IST1: variants seen among roughly 807,000 people sequenced by gnomAD.
IST1 encodes IST1 factor associated with ESCRT-III, also known as IST1 homolog.
A neutral mutation model predicts 37.0 loss-of-function variants in IST1; 23 were observed. The ratio of observed to expected loss-of-function variants is 0.62; its 90% CI spans 0.45 to 0.88. IST1 has a LOEUF of 0.88. Among genes scored for constraint, IST1 ranks in the 40% least tolerant of loss-of-function variants. IST1 has a pLI of 0.00. For missense variants in IST1, 488 were observed against 445.4 expected, an observed-to-expected ratio of 1.10 and a Z score of -0.86; for synonymous variants, 180 against 161.7, an observed-to-expected ratio of 1.11 and a Z score of -0.86.
Position 71,929,782 on chromosome 16 carries a change from G to C in IST1, c.*1969G>C. 1 of 1,173,942 alleles carries C rather than the reference G, an allele frequency of 8.5e-7. No individual in the cohort carries two copies. Among genetic ancestry groups the C allele is most frequent in the East Asian group, 2.6e-5 (1 of 38,882 alleles). 72.7% of individuals were successfully genotyped at this position (1,173,942 alleles called of 1,614,324 possible). On this transcript the variant is annotated 3_prime_UTR_variant, in exon 10 of 10. Transcript: ENST00000378799. Reference sequence around the variant, plus strand: ...TTTTTAAAAAATTAGTAAATGTAAAGATACTATTTCTTTAATAATTTGCAG... The same window carrying C: ...TTTTTAAAAAATTAGTAAATGTAAACATACTATTTCTTTAATAATTTGCAG...
intron 3 of IST1, 40 bp from the exon 4 acceptor site, chr16:71,917,007 T>C (rs2142570530): frequency 7.4e-7 from 1 of 1,348,848 alleles, no homozygotes; most frequent in South Asian, 1.2e-5. Context: ...TTTGTTGGTT[T>C]GTTTTAAAGA....
intron 1 of IST1, among the ~76,000 whole-genome samples, chr16:71,896,832 C>T (rs528966044): frequency 6.6e-6 from 1 of 152,092 alleles, no homozygotes; most frequent in East Asian, 1.9e-4. Context: ...ATAAAAACAG[C>T]CAGGCGTGGA....
At position 71,923,651 on chromosome 16, in the gene IST1, G is replaced by A. The variant is rs2037664756; in HGVS notation, c.852+271G>A. On this transcript the variant is annotated intron_variant, in intron 8 of 9. Transcript: ENST00000378799. The stretch of plus-strand genomic sequence containing the variant: ...CTTAGAAAGTTGTAGTGCTCTATGA[G>A]GGCACTTAGCCAGTTGTTTTGACCG... The A allele has an allele frequency of 1.9e-5, 6 of 323,068 alleles. No homozygotes were observed. The South Asian group carries it at 2.2e-4, about 12-fold the overall frequency. 20.0% of individuals were successfully genotyped at this position (323,068 alleles called of 1,614,324 possible).
At chr16:71,907,098 G>C (rs2037240376) in intron 1 of IST1, among the ~76,000 whole-genome samples, 1 of 151,604 alleles carries the variant, frequency 6.6e-6, no homozygotes, top group African/African-American at 2.4e-5. Flanking sequence ...TTTGTATTTT[G>C]TCTGATTCAA....
chr16:71,909,995 C>G (rs1167396256), intron 1 of IST1, among the ~76,000 whole-genome samples: 1 of 152,106 alleles, frequency 6.6e-6, no homozygotes, highest in Non-Finnish European at 1.5e-5. Context: ...ATTTCAGTCA[C>G]TACTGATAAA....
Position 71,921,543 on chromosome 16 carries a change from A to G in IST1, c.552+90A>G, listed in dbSNP as rs1206845005. On this transcript the variant is annotated intron_variant, in intron 6 of 9. Coordinates refer to ENST00000378799, the MANE Select transcript of IST1 (RefSeq NM_001270975.2). ...AAAAACATTCTTTGCACTAACTTAA[A>G]TTTGTGTGAGTTTAAGCCTTTGTCC... 3.9e-6 allele frequency: 3 copies of G among 760,030 alleles called. No individual in the cohort carries two copies. In the African/African-American group the frequency reaches 5.2e-5, roughly 13 times the overall value. 47.1% of individuals were successfully genotyped at this position (760,030 alleles called of 1,614,324 possible). A position where few individuals can be genotyped will look rare whatever the true frequency, so the allele number is the denominator to read the frequency against.
intron 1 of IST1, among the ~76,000 whole-genome samples, chr16:71,915,207 A>AT (rs2037441738): frequency 1.3e-5 from 2 of 151,932 alleles, no homozygotes; most frequent in South Asian, 2.1e-4. Flanking sequence ...CCCTGTTGAG[A>AT]TTTTTTTGGG....
chr16:71,906,394 A>G (rs1489341194), intron 1 of IST1, among the ~76,000 whole-genome samples: 1 of 150,500 alleles, frequency 6.6e-6, no homozygotes, highest in Admixed American at 6.6e-5. Flanking sequence ...TGCAGCCTCT[A>G]CCTACTGTGT....
intron 6 of IST1, 156 bp downstream of exon 6, chr16:71,921,609 A>G (rs2037586762): frequency 1.7e-6 from 1 of 581,228 alleles, no homozygotes; most frequent in Admixed American, 2.9e-5. Context: ...TGCATATCTC[A>G]CAGGGTACTT....
intron 6 of IST1, 47 bp downstream of exon 6, chr16:71,921,500 C>A (rs1365617751): frequency 9.2e-7 from 1 of 1,090,990 alleles, no homozygotes; most frequent in South Asian, 1.3e-5. Context: ...GTAGGTATGA[C>A]CTTCTTTGGA....
Position 71,922,690 on chromosome 16 carries a change from T to C in IST1, c.759+10T>C, listed in dbSNP as rs374360697. 2.2e-5 allele frequency: 31 copies of C among 1,436,028 alleles called. No homozygotes were observed. The highest frequency in any genetic ancestry group is 1.4e-4 in the Admixed American group (7 of 51,028). 89.0% of individuals were successfully genotyped at this position (1,436,028 alleles called of 1,614,324 possible). A position where few individuals can be genotyped will look rare whatever the true frequency, so the allele number is the denominator to read the frequency against. ...ACTGCCAAAGGGACCAGTAAGTATA[T>C]ATAAGTGTGGATGTAAGCTTTAGAA... On this transcript the variant is annotated intron_variant, in intron 7 of 9. Coordinates refer to ENST00000378799, the MANE Select transcript of IST1 (RefSeq NM_001270975.2).
chr16:71,899,247 C>T (rs760408225), intron 1 of IST1, among the ~76,000 whole-genome samples: 3 of 152,010 alleles, frequency 2.0e-5, no homozygotes, highest in Non-Finnish European at 4.4e-5. Context: ...TGAAAATACA[C>T]AGTGAACTTT....
At chr16:71,895,812 C>G (rs777926438) in intron 1 of IST1, among the ~76,000 whole-genome samples, 1 of 152,232 alleles carries the variant, frequency 6.6e-6, no homozygotes, top group Admixed American at 6.5e-5. Flanking sequence ...GGGGGCGTGG[C>G]AGGGCCGCGA....
chr16:71,907,243 T>C (rs2037244600), intron 1 of IST1, among the ~76,000 whole-genome samples: 1 of 151,718 alleles, frequency 6.6e-6, no homozygotes, highest in Non-Finnish European at 1.5e-5. Flanking sequence ...ATAATGTTTT[T>C]AAAGAATAAA....
chr16:71,910,035 C>T (rs556552406), intron 1 of IST1, among the ~76,000 whole-genome samples: 3 of 152,152 alleles, frequency 2.0e-5, no homozygotes, highest in South Asian at 4.1e-4. Flanking sequence ...GATTTGTTAT[C>T]TTGGTTATAT....
intron 1 of IST1, among the ~76,000 whole-genome samples, chr16:71,902,255 G>A (rs974997310): frequency 6.6e-6 from 1 of 151,962 alleles, no homozygotes; most frequent in Non-Finnish European, 1.5e-5. Flanking sequence ...TTTGGGAATG[G>A]TTCTTAATTT....
At chr16:71,903,337 G>A (rs1338258664) in intron 1 of IST1, 1 of 151,944 alleles carries the variant, frequency 6.6e-6, no homozygotes, top group African/African-American at 2.4e-5. Context: ...CACTGCCTTA[G>A]CTACATCCCA....
At position 71,897,604 on chromosome 16, in the gene IST1, T is replaced by G. The variant is rs559483022; in HGVS notation, c.-16+2015T>G. Among the ~76,000 whole-genome samples the G allele has an allele frequency of 5.9e-5, 9 of 152,330 alleles. No individual in the cohort carries two copies. In the East Asian group the frequency reaches 1.5e-3, roughly 26 times the overall value. On this transcript the variant is annotated intron_variant, in intron 1 of 9. Coordinates refer to ENST00000378799, the MANE Select transcript of IST1 (RefSeq NM_001270975.2). ...CTATGAACACTTATTTCAGCATTAC[T>G]TATATGGTACAGATGGTCAAAAGTT... is the stretch of plus-strand genomic sequence containing the variant.
chr16:71,925,079 C>T (rs1196968665), intron 9 of IST1, among the ~76,000 whole-genome samples: 3 of 142,248 alleles, frequency 2.1e-5, no homozygotes, highest in Admixed American at 7.4e-5. Context: ...GTGTTGTGAT[C>T]TTGGCTCACT....
Sources: allele counts gnomAD v4.1 joint callset (sites outside exome capture counted in the v4.1 genomes callset), GRCh38; gene constraint gnomAD v4.1.1; transcripts MANE v1.5; gene names NCBI Gene and HGNC (gene_info 2026-07-23, HGNC 2026-07-21).